The following DIP2C variants were observed in gnomAD, a reference collection of about 807,000 sequenced individuals.
DIP2C encodes disco-interacting protein 2 homolog C.
A neutral mutation model predicts 192.4 loss-of-function variants in DIP2C; 33 were observed. The ratio of observed to expected loss-of-function variants is 0.17; its 90% CI spans 0.13 to 0.23. The LOEUF (loss-of-function observed/expected upper bound fraction) is 0.23, where lower values mean the gene tolerates loss of function less well. Ranked by LOEUF, DIP2C falls within the 10% of genes least tolerant of loss-of-function variation. The pLI is 1.00. For synonymous variants in DIP2C, 979 were observed against 864.1 expected (o/e 1.13, Z -2.33); for missense variants, 1,537 against 2,110.1 (o/e 0.73, Z 5.32).
intron 32 of DIP2C, among the ~76,000 whole-genome samples, chr10:309,384 C>A (rs1199408111): frequency 2.6e-5 from 4 of 152,038 alleles, no homozygotes; most frequent in Non-Finnish European, 4.4e-5. Flanking sequence ...CAAAACATTT[C>A]CATTCATGTA....
intron 4 of DIP2C, chr10:430,624 C>T (rs574838848): frequency 1.3e-5 from 2 of 152,328 alleles, no homozygotes; most frequent in Non-Finnish European, 2.9e-5. Context: ...CTGTCTGTGG[C>T]TTGTATTTTA....
intron 2 of DIP2C, chr10:484,924 C>A: frequency 6.2e-7 from 1 of 1,610,870 alleles, no homozygotes; most frequent in Non-Finnish European, 8.5e-7. Context: ...CAGTCTACAC[C>A]GAACCACGGC....
chr10:418,746 C>A (rs568508196), intron 6 of DIP2C, among the ~76,000 whole-genome samples: 1 of 152,378 alleles, frequency 6.6e-6, no homozygotes, highest in Non-Finnish European at 1.5e-5. Context: ...CACACCTGTA[C>A]AAGAATTTCT....
chr10:414,742 C>CGTGTGTGTGTGT (rs1564679999), intron 7 of DIP2C, among the ~76,000 whole-genome samples: 8 of 112,554 alleles, frequency 7.1e-5, no homozygotes, highest in African/African-American at 1.5e-4. Context: ...TGTGTGTGTA[C>CGTGTGTGTGTGT]ATATATATAT....
intron 1 of DIP2C, among the ~76,000 whole-genome samples, chr10:640,719 GC>G (rs1855136874): frequency 9.2e-4 from 2 of 2,182 alleles, no homozygotes; most frequent in East Asian, 0.028. Context: ...AAGAGGCTGC[GC>G]GCGGGGAAGA....
chr10:462,947 C>T (rs145359927), intron 3 of DIP2C, among the ~76,000 whole-genome samples: 45 of 152,216 alleles, frequency 3.0e-4, no homozygotes, highest in African/African-American at 1.1e-3. Context: ...GCAGAAAAGG[C>T]CTTTGATAAA....
chr10:671,222 T>G (rs1830616683), intron 1 of DIP2C, among the ~76,000 whole-genome samples: 1 of 152,170 alleles, frequency 6.6e-6, no homozygotes, highest in African/African-American at 2.4e-5. Context: ...GATCAGTAAG[T>G]GGTGACTAGA....
chr10:500,076 C>CA (rs1367743118), intron 1 of DIP2C, among the ~76,000 whole-genome samples: 1 of 152,216 alleles, frequency 6.6e-6, no homozygotes, highest in Non-Finnish European at 1.5e-5. Flanking sequence ...AGGGCCCCCT[C>CA]AGCAAGCGCA....
chr10:384,185 G>A (rs531562535), intron 15 of DIP2C, 39 bp from the exon 16 acceptor site: 27 of 1,598,166 alleles, frequency 1.7e-5, no homozygotes, highest in African/African-American at 5.4e-5. Context: ...ATGTGCCACC[G>A]TCAGATCGTC....
intron 1 of DIP2C, among the ~76,000 whole-genome samples, chr10:578,523 A>G (rs1175312917): frequency 1.3e-5 from 2 of 152,214 alleles, no homozygotes; most frequent in East Asian, 1.9e-4. Context: ...AGGAACACAC[A>G]CATCAAGGAA....
At chr10:288,795 G>A (rs1008703468) in intron 32 of DIP2C, among the ~76,000 whole-genome samples, 6 of 152,194 alleles carry the variant, frequency 3.9e-5, no homozygotes, top group Non-Finnish European at 7.3e-5. Context: ...AAGCACCGAC[G>A]GCTGTCCTGC....
At chr10:360,554 CA>C (rs1959349712) in intron 22 of DIP2C, among the ~76,000 whole-genome samples, 1 of 152,192 alleles carries the variant, frequency 6.6e-6, no homozygotes, top group South Asian at 2.1e-4. Flanking sequence ...TCAAAGACAG[CA>C]GCGAGACACA....
intron 1 of DIP2C, among the ~76,000 whole-genome samples, chr10:615,768 T>G (rs1007433909): frequency 2.6e-5 from 4 of 152,170 alleles, no homozygotes; most frequent in African/African-American, 9.7e-5. Flanking sequence ...TTGACTTTAG[T>G]GTTTAAAATC....
chr10:511,386 C>G (rs1001306845), intron 1 of DIP2C, among the ~76,000 whole-genome samples: 3 of 152,234 alleles, frequency 2.0e-5, no homozygotes, highest in Non-Finnish European at 4.4e-5. Flanking sequence ...TAAAGGAAAA[C>G]TTCTGTTACC....
chr10:555,510 CTG>C (rs1307011745), intron 1 of DIP2C, among the ~76,000 whole-genome samples: 2 of 152,216 alleles, frequency 1.3e-5, no homozygotes, highest in East Asian at 1.9e-4. Flanking sequence ...GCGGGTATCT[CTG>C]TGGCTGACAG....
rs376759113 is a variant in DIP2C at position 290,651 on chromosome 10, C to G, written c.3987-2230G>C. ...CCAAATGAAGACAGCAGTAGAGAAG[C>G]CAGGCCAAGCTGGCCGGGGCAGCGG... is the stretch of plus-strand genomic sequence containing the variant. On this transcript the variant is annotated intron_variant, in intron 32 of 36. Coordinates refer to ENST00000280886, the MANE Select transcript of DIP2C (RefSeq NM_014974.3). Among the ~76,000 whole-genome samples the G allele has an allele frequency of 1.2e-3, 188 of 152,298 alleles. 1 individual carries two copies. The highest frequency in any genetic ancestry group is 4.2e-3 in the African/African-American group (176 of 41,576).
At chr10:615,611 A>G (rs1186255451) in intron 1 of DIP2C, among the ~76,000 whole-genome samples, 1 of 150,984 alleles carries the variant, frequency 6.6e-6, no homozygotes, top group Non-Finnish European at 1.5e-5. Flanking sequence ...ATGTAGGTTC[A>G]TATACACACA....
At chr10:606,340 G>GT (rs1367812633) in intron 1 of DIP2C, among the ~76,000 whole-genome samples, 1 of 152,138 alleles carries the variant, frequency 6.6e-6, no homozygotes, top group African/African-American at 2.4e-5. Context: ...CCCCGCTGCC[G>GT]TAATTACCTG....
intron 1 of DIP2C, among the ~76,000 whole-genome samples, chr10:676,585 T>TA (rs373621021): frequency 1.2e-4 from 18 of 149,782 alleles, no homozygotes; most frequent in African/African-American, 4.4e-4. Flanking sequence ...AATGAACATA[T>TA]AAAAATCAGT....
Sources: gnomAD v4.1 joint callset for allele counts (sites outside exome capture counted in the v4.1 genomes callset) on GRCh38, gnomAD v4.1.1 for gene constraint, MANE v1.5 for transcripts, NCBI Gene and HGNC (gene_info 2026-07-23, HGNC 2026-07-21) for gene names.